Variants in MEGF9 observed in about 807,000 individuals in gnomAD.
MEGF9 encodes the protein multiple EGF like domains 9, also known as multiple epidermal growth factor-like domains protein 9.
A neutral mutation model predicts 46.8 loss-of-function variants in MEGF9; 6 were observed. That is an observed-to-expected ratio of 0.13 (90% CI 0.07 to 0.25). The LOEUF is 0.25. Among genes scored for constraint, MEGF9 ranks in the 10% least tolerant of loss-of-function variants. The pLI, the probability that MEGF9 is intolerant of heterozygous loss-of-function variation, is 1.00. For synonymous variants in MEGF9, 302 were observed against 330.7 expected (o/e 0.91, Z 0.94); for missense variants, 683 against 792.4 (o/e 0.86, Z 1.66).
Position 120,705,540 on chromosome 9 carries a change from GT to G in MEGF9, c.601+8217del, listed in dbSNP as rs572627643. 4.1e-3 allele frequency among the ~76,000 whole-genome samples: 585 copies of G among 141,876 alleles called. 6 individuals are homozygous for G. The highest frequency in any genetic ancestry group is 0.012 in the South Asian group (54 of 4,406). 93.1% of individuals were successfully genotyped at this position (141,876 alleles called of 152,430 possible). A position where few individuals can be genotyped will look rare whatever the true frequency, so the allele number is the denominator to read the frequency against. On this transcript the variant is annotated intron_variant, in intron 1 of 5. Coordinates refer to ENST00000373930, the MANE Select transcript of MEGF9 (RefSeq NM_001080497.3). ...AATGAGCAAGGAGAATGGAAGAAAGGTTTTTTTTTTTTTCAATGAAGACAAA... is the reference window on the plus strand; with the variant it reads ...AATGAGCAAGGAGAATGGAAGAAAGGTTTTTTTTTTTTCAATGAAGACAAA...
At position 120,603,010 on chromosome 9, in the gene MEGF9, G is replaced by C. The variant is rs1346810127; in HGVS notation, c.*2180C>G. The C allele has an allele frequency of 1.3e-5, 2 of 152,012 alleles. No homozygotes were observed. The highest frequency in any genetic ancestry group is 4.8e-5 in the African/African-American group (2 of 41,396). 9.4% of individuals were successfully genotyped at this position (152,012 alleles called of 1,614,324 possible). ...TCACTAAGTGCTTCATAGCTGTATG[G>C]CCCTGGATTGCTCCTGATATTTAAA... On this transcript the variant is annotated 3_prime_UTR_variant, in exon 6 of 6. Transcript: ENST00000373930.
intron 2 of MEGF9, among the ~76,000 whole-genome samples, chr9:120,631,451 T>G (rs1264457640): frequency 1.3e-5 from 2 of 152,108 alleles, no homozygotes; most frequent in African/African-American, 2.4e-5. Context: ...ATTTGAGTAT[T>G]TGAGGTCCCC....
rs1227726420 is a variant in MEGF9 at position 120,679,222 on chromosome 9, C to T, written c.602-19647G>A. ...CACAATAGCAAAGACTTGGAACCAA[C>T]CTAAATGTCCATCAATGATAGAATG... On this transcript the variant is annotated intron_variant, in intron 1 of 5. Coordinates refer to ENST00000373930, the MANE Select transcript of MEGF9 (RefSeq NM_001080497.3). 2.0e-5 allele frequency among the ~76,000 whole-genome samples: 3 copies of T among 152,116 alleles called. No individual in the cohort carries two copies. The East Asian group carries it at 5.8e-4, about 29-fold the overall frequency.
chr9:120,610,991 A>G (rs554121535), intron 4 of MEGF9, among the ~76,000 whole-genome samples: 3 of 152,176 alleles, frequency 2.0e-5, no homozygotes, highest in Non-Finnish European at 4.4e-5. Context: ...TGAATGAACA[A>G]TAAGCACATA....
intron 1 of MEGF9, among the ~76,000 whole-genome samples, chr9:120,673,596 T>A (rs182581874): frequency 2.0e-5 from 3 of 151,680 alleles, no homozygotes; most frequent in Non-Finnish European, 4.4e-5. Context: ...TTTTTTTTTT[T>A]AAATAAATGG....
chr9:120,663,166 C>CA (rs1564423217), intron 1 of MEGF9, among the ~76,000 whole-genome samples: 1 of 152,020 alleles, frequency 6.6e-6, no homozygotes, highest in East Asian at 1.9e-4. Flanking sequence ...ACTTCTGCCC[C>CA]AAAAAACCAA....
Position 120,605,009 on chromosome 9 carries a change from T to C in MEGF9, c.*181A>G. On this transcript the variant is annotated 3_prime_UTR_variant, in exon 6 of 6. Coordinates refer to ENST00000373930, the MANE Select transcript of MEGF9 (RefSeq NM_001080497.3). The surrounding 1 kb of genome is among the most constrained non-coding windows in gnomAD (Gnocchi z 4.0). ...CTAATGACAGTGAACGCTTCAGATC[T>C]TCATGGGAAAACTAAGAGCAATAGA... 3.2e-6 allele frequency: 2 copies of C among 627,838 alleles called. No individual in the cohort carries two copies. The highest frequency in any genetic ancestry group is 5.5e-6 in the Non-Finnish European group (2 of 365,324). The allele number at this position is 627,838 out of a possible 1,614,324, so 38.9% of individuals were successfully genotyped here.
chr9:120,635,243 TTCTC>T (rs1206337086), intron 2 of MEGF9, among the ~76,000 whole-genome samples: 1 of 152,228 alleles, frequency 6.6e-6, no homozygotes, highest in Admixed American at 6.5e-5. Flanking sequence ...GTGTTTAGAA[TTCTC>T]TCTTTGTATA....
At chr9:120,636,126 T>C (rs1174582662) in intron 2 of MEGF9, among the ~76,000 whole-genome samples, 1 of 152,160 alleles carries the variant, frequency 6.6e-6, no homozygotes, top group Non-Finnish European at 1.5e-5. Context: ...TTTGTAGAGA[T>C]GGGATTTCGT....
chr9:120,697,191 T>A (rs945582818), intron 1 of MEGF9, among the ~76,000 whole-genome samples: 1 of 152,192 alleles, frequency 6.6e-6, no homozygotes, highest in Non-Finnish European at 1.5e-5. Flanking sequence ...CAAGCAATCC[T>A]CCCACCTCAG....
At chr9:120,711,567 G>A (rs552458799) in intron 1 of MEGF9, among the ~76,000 whole-genome samples, 13 of 152,150 alleles carry the variant, frequency 8.5e-5, no homozygotes, top group African/African-American at 2.6e-4. Flanking sequence ...TTTTTCCTTT[G>A]TGGACTTCTG....
intron 3 of MEGF9, among the ~76,000 whole-genome samples, chr9:120,618,169 A>G (rs1215278048): frequency 6.6e-6 from 1 of 152,216 alleles, no homozygotes; most frequent in East Asian, 1.9e-4. Context: ...AATACAAATT[A>G]AATCCAGGGG....
chr9:120,649,751 ACT>A (rs1175885046), intron 2 of MEGF9, among the ~76,000 whole-genome samples: 1 of 150,714 alleles, frequency 6.6e-6, no homozygotes, highest in African/African-American at 2.4e-5. Flanking sequence ...ATGAACTTGA[ACT>A]CTTGTTTATA....
chr9:120,618,340 T>C (rs756022259), intron 3 of MEGF9, among the ~76,000 whole-genome samples: 1 of 152,120 alleles, frequency 6.6e-6, no homozygotes, highest in East Asian at 1.9e-4. Flanking sequence ...TAGGAAAGCA[T>C]GATACTCTGA....
chr9:120,712,130 C>T (rs116154923), intron 1 of MEGF9, among the ~76,000 whole-genome samples: 1,622 of 152,132 alleles, frequency 0.011, 30 homozygotes, highest in African/African-American at 0.034. Flanking sequence ...TGGTGACCCA[C>T]GCCTGTAGTC....
intron 2 of MEGF9, among the ~76,000 whole-genome samples, chr9:120,644,451 T>C (rs1033202258): frequency 3.9e-5 from 6 of 152,212 alleles, no homozygotes; most frequent in African/African-American, 1.4e-4. Context: ...TAATTTTTAA[T>C]GCTAGGAATC....
chr9:120,624,783 G>A (rs2043516722), intron 2 of MEGF9, among the ~76,000 whole-genome samples: 1 of 149,330 alleles, frequency 6.7e-6, no homozygotes, highest in Non-Finnish European at 1.5e-5. Flanking sequence ...TGAAGCAGGA[G>A]AACTGCTTGA....
intron 1 of MEGF9, among the ~76,000 whole-genome samples, chr9:120,710,154 C>T (rs2043946770): frequency 6.6e-6 from 1 of 151,670 alleles, no homozygotes; most frequent in Non-Finnish European, 1.5e-5. Flanking sequence ...CAGGGCCAGG[C>T]ACGGTGGCTT....
intron 2 of MEGF9, among the ~76,000 whole-genome samples, chr9:120,657,988 T>C (rs1222637512): frequency 3.3e-5 from 5 of 150,348 alleles, no homozygotes; most frequent in Admixed American, 1.3e-4. Context: ...AGTTCTCTTC[T>C]ACTTTTTTTT....
Sources: allele counts gnomAD v4.1 joint callset (sites outside exome capture counted in the v4.1 genomes callset), GRCh38; gene constraint gnomAD v4.1.1; non-coding constraint Gnocchi (gnomAD v3.1); transcripts MANE v1.5; gene names NCBI Gene and HGNC (gene_info 2026-07-23, HGNC 2026-07-21).